The following RNF25 variants were observed in gnomAD, a reference collection of about 807,000 sequenced individuals.
RNF25 encodes ring finger protein 25.
RNF25 carries 32 observed loss-of-function variants against 65.0 expected under a neutral mutation model. The ratio of observed to expected loss-of-function variants is 0.49; its 90% CI spans 0.37 to 0.66. The LOEUF is 0.66. RNF25 is among the 30% of genes least tolerant of loss of function. The pLI is 0.00. For missense variants in RNF25, 493 were observed against 584.8 expected, an observed-to-expected ratio of 0.84 and a Z score of 1.62; for synonymous variants, 207 against 221.2, an observed-to-expected ratio of 0.94 and a Z score of 0.57.
At position 218,665,980 on chromosome 2, in the gene RNF25, T is replaced by C. The variant is rs148746116; in HGVS notation, c.509A>G (p.Glu170Gly). 56 of 1,614,070 alleles carry C rather than the reference T, an allele frequency of 3.5e-5. No homozygotes were observed. The highest frequency in any genetic ancestry group is 4.5e-5 in the Non-Finnish European group (53 of 1,180,036). ...HCLARYIQHMEQELKAQGQEQ... is the reference protein window; with the variant it reads ...HCLARYIQHMGQELKAQGQEQ... ...CTGTCCTTGTGCCTTCAGCTCTTGC[T>C]CCATGTGCTGGATGTACCGAGCAAG... is the stretch of plus-strand genomic sequence containing the variant. Residue 170 changes from glutamate (E) to glycine (G), a missense_variant, in exon 7 of 10, where the codon GAG (glutamate) becomes GGG (glycine). Glu to Gly is a moderately conservative substitution (Grantham distance 98). Coordinates refer to ENST00000295704, the MANE Select transcript of RNF25 (RefSeq NM_022453.3).
In RNF25 at chr2:218,665,251, A is replaced by G. The variant is rs1939796831; in HGVS notation, c.574-4T>C. 2.5e-6 allele frequency: 4 copies of G among 1,612,246 alleles called. No homozygotes were observed. Among genetic ancestry groups the G allele is most frequent in the Non-Finnish European group, 3.4e-6 (4 of 1,179,114 alleles). On this transcript the variant is annotated splice_region_variant and splice_polypyrimidine_tract_variant and intron_variant, in intron 7 of 9. Transcript: ENST00000295704. ...GACACTGCACACCGACTGCCTTCTA[A>G]AAAAGAGAAAAATCATATGCCTGTG...
At chr2:218,665,781 G>T in intron 7 of RNF25, 135 bp downstream of exon 7, 1 of 1,184,604 alleles carries the variant, frequency 8.4e-7, no homozygotes, top group Non-Finnish European at 1.2e-6. Context: ...TCTGGACAGA[G>T]GTAAGAGTTC....
In RNF25 at chr2:218,664,961, G is replaced by A; in HGVS notation, c.667-88C>T. 1.3e-6 allele frequency: 2 copies of A among 1,561,512 alleles called. No individual in the cohort carries two copies. The highest frequency in any genetic ancestry group is 2.3e-5 in the South Asian group (2 of 85,366). The stretch of plus-strand genomic sequence containing the variant: ...CCTCCCAGGCTGCCTCAGGAGATCT[G>A]CACTGGTTTTGCCCCTCAGGTCTGG... On this transcript the variant is annotated intron_variant, in intron 8 of 9. Transcript: ENST00000295704. This position sits in a 1 kb window ranked among gnomAD's most constrained non-coding sequence, Gnocchi z 5.1.
chr2:218,669,750 C>T (rs529713329), intron 1 of RNF25, among the ~76,000 whole-genome samples: 2 of 152,366 alleles, frequency 1.3e-5, no homozygotes, highest in Non-Finnish European at 2.9e-5. Flanking sequence ...CCAGCACGAC[C>T]TATGTCAGTG....
At chr2:218,667,099 C>T (rs1400563306) in intron 5 of RNF25, among the ~76,000 whole-genome samples, 5 of 148,960 alleles carry the variant, frequency 3.4e-5, no homozygotes, top group Admixed American at 2.0e-4. Flanking sequence ...ACCTGGGAGG[C>T]GGAGGTTGCA....
rs756095897 is a variant in RNF25 at position 218,666,217 on chromosome 2, A to G, written c.371T>C (p.Ile124Thr). Residue 124 changes from isoleucine to threonine, a missense_variant, in exon 6 of 10, where the codon ATT becomes ACT. Transcript: ENST00000295704. ...ATGAGGGATGTTGTTATCTGTGAGA[A>G]TTTCCTTCCCTTTCTGAGGAGAGAA... ...LYELIEKGKE[I>T]LTDNNIPHGQ... The G allele has an allele frequency of 6.2e-7, 1 of 1,613,722 alleles. No individual in the cohort carries two copies. The highest frequency in any genetic ancestry group is 1.1e-5 in the South Asian group (1 of 91,026).
chr2:218,667,748 G>T (rs1457015873), intron 5 of RNF25, among the ~76,000 whole-genome samples, 164 bp downstream of exon 5: 1 of 152,146 alleles, frequency 6.6e-6, no homozygotes, highest in African/African-American at 2.4e-5. Flanking sequence ...ACTGTCTTTT[G>T]GGAAGTTTTT....
Position 218,666,249 on chromosome 2 carries a change from G to A in RNF25, c.358-19C>T, listed in dbSNP as rs1404100335. On this transcript the variant is annotated intron_variant, in intron 5 of 9. Coordinates refer to ENST00000295704, the MANE Select transcript of RNF25 (RefSeq NM_022453.3). Reference sequence around the variant, plus strand: ...TCCCTTTCTGAGGAGAGAAGACACTGATTAAACGGGGGTAGGGGGAAGAAC... The same window carrying A: ...TCCCTTTCTGAGGAGAGAAGACACTAATTAAACGGGGGTAGGGGGAAGAAC... The A allele has an allele frequency of 1.9e-6, 3 of 1,599,884 alleles. No homozygotes were observed. The Admixed American group carries it at 5.0e-5, about 27-fold the overall frequency.
At chr2:218,666,399 C>A (rs1442781123) in intron 5 of RNF25, among the ~76,000 whole-genome samples, 169 bp from the exon 6 acceptor site, 2 of 152,202 alleles carry the variant, frequency 1.3e-5, no homozygotes. Flanking sequence ...GGGAATCAAT[C>A]CTTCTCCACA....
chr2:218,667,965 C>T lies in RNF25; in HGVS notation c.304G>A (p.Gly102Ser). 2 of 1,614,174 alleles carry T rather than the reference C, an allele frequency of 1.2e-6. No individual in the cohort carries two copies. The highest frequency in any genetic ancestry group is 1.1e-5 in the South Asian group (1 of 91,068). The change falls in exon 5 of 10, where the codon GGC (glycine) becomes AGC (serine). Residue 102 changes from glycine (G) to serine (S), a missense_variant. By Grantham distance (56) the Gly-to-Ser change is moderately conservative. Around this residue, in one of 3 missense-constraint regions of RNF25, gnomAD observed 108 missense variants for 166.0 expected, o/e 0.65. Transcript: ENST00000295704. Reference protein sequence around the residue: ...EQIHTILQVLGHVAKAGLGTA... With the variant: ...EQIHTILQVLSHVAKAGLGTA... ...CCCAGCCCAGCCTTGGCCACGTGGC[C>T]CAGCACCTGTAAGATCCTGGAGGAA...
chr2:218,666,071 G>A lies in RNF25; in HGVS notation c.430-12C>T. On this transcript the variant is annotated splice_polypyrimidine_tract_variant and intron_variant, in intron 6 of 9. Coordinates refer to ENST00000295704, the MANE Select transcript of RNF25 (RefSeq NM_022453.3). ...AAGGCCTCCTTCTCCTAGAGGGAAG[G>A]CAGATGTAGGGCACTAAGTCAGAGC... The A allele has an allele frequency of 6.2e-7, 1 of 1,613,066 alleles. No homozygotes were observed. Among genetic ancestry groups the A allele is most frequent in the Non-Finnish European group, 8.5e-7 (1 of 1,179,132 alleles).
chr2:218,667,591 G>C (rs1939848080), intron 5 of RNF25, among the ~76,000 whole-genome samples: 1 of 152,128 alleles, frequency 6.6e-6, no homozygotes, highest in African/African-American at 2.4e-5. Flanking sequence ...ACGCCCCCAA[G>C]CAAGATGCGT....
rs766021702 is a variant in RNF25, at chr2:218,664,869, A to G, written c.671T>C (p.Leu224Pro). Residue 224 changes from leucine (L) to proline (P), a missense_variant, in exon 9 of 10, where the codon CTG (leucine) becomes CCG (proline). Transcript: ENST00000295704. The surrounding 1 kb of genome is among the most constrained non-coding windows in gnomAD (Gnocchi z 5.1). ...AAPEPQQPME[L>P]YQPSAESLRQ... ...CAAGCTCTCTGCACTGGGCTGGTACAGCTCCTGGAAGGAAGAATGGCAGAG... is the reference window on the plus strand; with the variant it reads ...CAAGCTCTCTGCACTGGGCTGGTACGGCTCCTGGAAGGAAGAATGGCAGAG... 41 of 1,614,026 alleles carry G rather than the reference A, an allele frequency of 2.5e-5. No individual in the cohort carries two copies. Among genetic ancestry groups the G allele is most frequent in the Non-Finnish European group, 3.3e-5 (39 of 1,180,026 alleles).
chr2:218,665,782 G>GT, intron 7 of RNF25, 134 bp downstream of exon 7: 1 of 1,191,928 alleles, frequency 8.4e-7, no homozygotes, highest in Non-Finnish European at 1.2e-6. Flanking sequence ...CTGGACAGAG[G>GT]TAAGAGTTCA....
In RNF25 at chr2:218,664,441, G is replaced by A; in HGVS notation, c.896C>T (p.Ala299Val). ...TLAAELSTSP[A>V]VQSTLPPPLP... ...AGGAGGTGGCAAAGTGGATTGGACG[G>A]CTGGTGAGGTGGATAGTTCTGCTGC... is the stretch of plus-strand genomic sequence containing the variant. The change falls in exon 10 of 10, where the codon GCC becomes GTC. Residue 299 changes from alanine to valine, a missense_variant. Around this residue, in one of 3 missense-constraint regions of RNF25, gnomAD observed 351 missense variants for 400.2 expected, o/e 0.88. Coordinates refer to ENST00000295704, the MANE Select transcript of RNF25 (RefSeq NM_022453.3). This position sits in a 1 kb window ranked among gnomAD's most constrained non-coding sequence, Gnocchi z 5.1. The A allele has an allele frequency of 6.2e-7, 1 of 1,614,234 alleles. No individual in the cohort carries two copies. Among genetic ancestry groups the A allele is most frequent in the Non-Finnish European group, 8.5e-7 (1 of 1,180,044 alleles).
chr2:218,664,366 G>C lies in RNF25; in HGVS notation c.971C>G (p.Ser324Ter). Residue 324 changes from serine to a stop codon, truncating the protein, a stop_gained, in exon 10 of 10, where the codon TCA becomes TGA. Coordinates refer to ENST00000295704, the MANE Select transcript of RNF25 (RefSeq NM_022453.3). LOFTEE classifies it high-confidence loss of function. This position sits in a 1 kb window ranked among gnomAD's most constrained non-coding sequence, Gnocchi z 5.1. ...GGTTTCGCCCAACCTTTGCTGATTT[G>C]ACCTGGTCCCTGGAATCTTCTCACA... Reference protein sequence around the residue: ...HICEKIPGTRSNQQRLGETQK... With the variant: ...HICEKIPGTR The C allele has an allele frequency of 6.2e-7, 1 of 1,614,164 alleles. No individual in the cohort carries two copies. Among genetic ancestry groups the C allele is most frequent in the Non-Finnish European group, 8.5e-7 (1 of 1,180,034 alleles).
At chr2:218,665,299 G>C in intron 7 of RNF25, 52 bp from the exon 8 acceptor site, 2 of 1,537,480 alleles carry the variant, frequency 1.3e-6, no homozygotes, top group African/African-American at 1.4e-5. Context: ...ATGCCCCCTG[G>C]TGCTGACCCA....
chr2:218,668,031 G>A (rs200476219), intron 4 of RNF25, 48 bp downstream of exon 4: 293 of 1,612,812 alleles, frequency 1.8e-4, no homozygotes, highest in African/African-American at 1.6e-3. Flanking sequence ...TTCTGTCACC[G>A]GGCAAAGCTG....
intron 5 of RNF25, 124 bp downstream of exon 5, chr2:218,667,788 A>C (rs1939867463): frequency 1.2e-6 from 1 of 821,756 alleles, no homozygotes; most frequent in Admixed American, 2.7e-5. Flanking sequence ...TCTCTGGATT[A>C]ATTTAGGCCT....
Sources: gnomAD v4.1 joint callset for allele counts (sites outside exome capture counted in the v4.1 genomes callset) on GRCh38, gnomAD v4.1.1 for gene constraint, gnomAD v4.1.1 regional missense constraint, Gnocchi (gnomAD v3.1) non-coding constraint, MANE v1.5 for transcripts, NCBI Gene and HGNC (gene_info 2026-07-23, HGNC 2026-07-21) for gene names.